Variants in RNF4 observed in about 807,000 individuals in gnomAD.
RNF4 encodes the protein E3 ubiquitin-protein ligase RNF4.
RNF4 carries 7 observed loss-of-function variants against 24.3 expected under a neutral mutation model. The ratio of observed to expected loss-of-function variants is 0.29; its 90% CI spans 0.16 to 0.54. RNF4 has a LOEUF of 0.54. Among genes scored for constraint, RNF4 ranks in the 20% least tolerant of loss-of-function variants. The pLI, the probability that RNF4 is intolerant of heterozygous loss-of-function variation, is 0.95. For missense variants in RNF4, 209 were observed against 248.5 expected, an observed-to-expected ratio of 0.84 and a Z score of 1.07; for synonymous variants, 83 against 84.3, an observed-to-expected ratio of 0.98 and a Z score of 0.09.
intron 1 of RNF4, among the ~76,000 whole-genome samples, chr4:2,478,472 A>G (rs1735149560): frequency 6.6e-6 from 1 of 152,136 alleles, no homozygotes; most frequent in Admixed American, 6.5e-5. Flanking sequence ...GGAGGAAAAT[A>G]TGGTTTCCTG....
intron 4 of RNF4, among the ~76,000 whole-genome samples, chr4:2,510,923 C>T (rs935929190): frequency 6.6e-6 from 1 of 152,162 alleles, no homozygotes; most frequent in African/African-American, 2.4e-5. Flanking sequence ...GCCCCCAGGA[C>T]AGAGAATTGG....
chr4:2,479,546 G>A (rs185261132), intron 1 of RNF4, among the ~76,000 whole-genome samples: 47 of 152,240 alleles, frequency 3.1e-4, no homozygotes, highest in Admixed American at 3.1e-3. Flanking sequence ...TTATAAGGGG[G>A]AGTTTCCGTG....
At chr4:2,497,886 G>A (rs963431179) in intron 3 of RNF4, among the ~76,000 whole-genome samples, 14 of 152,174 alleles carry the variant, frequency 9.2e-5, no homozygotes, top group South Asian at 4.2e-4. Flanking sequence ...CACCCGTCTC[G>A]GCCTCCCAAA....
Position 2,469,229 on chromosome 4 carries a change from G to A in RNF4, c.-187G>A, listed in dbSNP as rs71606399. 0.047 allele frequency: 7,122 copies of A among 152,364 alleles called. 227 individuals carry two copies. The highest frequency in any genetic ancestry group is 0.16 in the South Asian group (759 of 4,832). The allele number at this position is 152,364 out of a possible 1,614,324, so 9.4% of individuals were successfully genotyped here. Reference sequence around the variant, plus strand: ...GCGCCTGCGGACCTAACTAGCTCCAGGTTAGGCCGAGCTTTGCGGGAAAGC... The same window carrying A: ...GCGCCTGCGGACCTAACTAGCTCCAAGTTAGGCCGAGCTTTGCGGGAAAGC... On this transcript the variant is annotated 5_prime_UTR_variant, in exon 1 of 8. Transcript: ENST00000314289.
chr4:2,513,949 T>G lies in RNF4; in HGVS notation c.*130T>G, dbSNP rs534193938. 5 of 1,240,478 alleles carry G rather than the reference T, an allele frequency of 4.0e-6. No homozygotes were observed. In the African/African-American group the frequency reaches 7.4e-5, roughly 18 times the overall value. The allele number at this position is 1,240,478 out of a possible 1,614,324, so 76.8% of individuals were successfully genotyped here. A position where few individuals can be genotyped will look rare whatever the true frequency, so the allele number is the denominator to read the frequency against. On this transcript the variant is annotated 3_prime_UTR_variant, in exon 8 of 8. Coordinates refer to ENST00000314289, the MANE Select transcript of RNF4 (RefSeq NM_002938.5). The stretch of plus-strand genomic sequence containing the variant: ...CAACATCTGATATGTAAACTGCTCT[T>G]TTGTTTCCAACCCCTTCCTTTTGTT...
At chr4:2,483,915 CT>C (rs1297580042) in intron 1 of RNF4, among the ~76,000 whole-genome samples, 2 of 151,588 alleles carry the variant, frequency 1.3e-5, no homozygotes, top group African/African-American at 4.9e-5. Flanking sequence ...TCACCTCCAC[CT>C]CTTGGGTTCG....
At chr4:2,477,703 T>C (rs1735123922) in intron 1 of RNF4, among the ~76,000 whole-genome samples, 1 of 152,216 alleles carries the variant, frequency 6.6e-6, no homozygotes, top group African/African-American at 2.4e-5. Context: ...CCGCCATGAT[T>C]GTGAAGCCTC....
intron 1 of RNF4, among the ~76,000 whole-genome samples, chr4:2,488,218 T>A (rs532494172): frequency 6.6e-6 from 1 of 152,206 alleles, no homozygotes; most frequent in East Asian, 1.9e-4. Context: ...ATCCCAGCAC[T>A]TTGGGAAGCC....
At chr4:2,510,392 C>A (rs1306609025) in intron 4 of RNF4, among the ~76,000 whole-genome samples, 1 of 152,152 alleles carries the variant, frequency 6.6e-6, no homozygotes, top group Admixed American at 6.6e-5. Context: ...CGGCATCCAC[C>A]CCCTGCACTC....
At chr4:2,502,543 A>G (rs1197043654) in intron 4 of RNF4, among the ~76,000 whole-genome samples, 2 of 151,642 alleles carry the variant, frequency 1.3e-5, no homozygotes, top group Non-Finnish European at 2.9e-5. Context: ...AATTATGCGG[A>G]CGCCTGTAGT....
At chr4:2,506,872 G>C (rs1736117726) in intron 4 of RNF4, among the ~76,000 whole-genome samples, 1 of 152,114 alleles carries the variant, frequency 6.6e-6, no homozygotes, top group African/African-American at 2.4e-5. Context: ...GCCTGACCTT[G>C]GGTCACTTTT....
At chr4:2,498,040 A>G (rs1050664710) in intron 3 of RNF4, among the ~76,000 whole-genome samples, 1 of 152,122 alleles carries the variant, frequency 6.6e-6, no homozygotes, top group Non-Finnish European at 1.5e-5. Context: ...CACTTCTACA[A>G]ATGAGTTCTT....
chr4:2,508,062 T>C (rs1240531144), intron 4 of RNF4, among the ~76,000 whole-genome samples: 1 of 152,018 alleles, frequency 6.6e-6, no homozygotes, highest in Admixed American at 6.6e-5. Flanking sequence ...CCCAGGATGG[T>C]CTCGACCTCC....
At chr4:2,479,088 G>A (rs1483253448) in intron 1 of RNF4, among the ~76,000 whole-genome samples, 9 of 152,228 alleles carry the variant, frequency 5.9e-5, no homozygotes, top group Non-Finnish European at 1.3e-4. Flanking sequence ...TTGGAGCTTT[G>A]AGATTTGGAC....
intron 2 of RNF4, among the ~76,000 whole-genome samples, chr4:2,491,760 G>T (rs1281185505): frequency 3.9e-5 from 6 of 152,080 alleles, no homozygotes; most frequent in Non-Finnish European, 2.9e-5. Context: ...AAGAGACAGG[G>T]TCTCACTCAG....
At position 2,474,195 on chromosome 4, in the gene RNF4, G is replaced by T. The variant is rs547496786; in HGVS notation, c.-158+4937G>T. 4.0e-4 allele frequency among the ~76,000 whole-genome samples: 57 copies of T among 144,068 alleles called. No individual in the cohort carries two copies. The East Asian group carries it at 9.8e-3, about 25-fold the overall frequency. The allele number at this position is 144,068 out of a possible 152,430, so 94.5% of individuals were successfully genotyped here. ...TTGAAACCATCCTGGCTAACACGGTGAAACACCGTCTCTACTAAAAACACA... is the reference window on the plus strand; with the variant it reads ...TTGAAACCATCCTGGCTAACACGGTTAAACACCGTCTCTACTAAAAACACA... On this transcript the variant is annotated intron_variant, in intron 1 of 7. Transcript: ENST00000314289.
chr4:2,491,029 C>T (rs1396064927), intron 2 of RNF4, among the ~76,000 whole-genome samples: 2 of 152,132 alleles, frequency 1.3e-5, no homozygotes, highest in Non-Finnish European at 2.9e-5. Flanking sequence ...TCAAGGCTAG[C>T]TATGATCACA....
chr4:2,513,316 A>C (rs1384208168), intron 7 of RNF4, among the ~76,000 whole-genome samples, 185 bp downstream of exon 7: 1 of 152,004 alleles, frequency 6.6e-6, no homozygotes, highest in African/African-American at 2.4e-5. Context: ...GGACCCTACA[A>C]CTTTCACCTT....
intron 1 of RNF4, among the ~76,000 whole-genome samples, chr4:2,478,131 T>G (rs184904559): frequency 1.6e-3 from 248 of 152,302 alleles, no homozygotes; most frequent in Middle Eastern, 0.01. Flanking sequence ...CCTAGAGATT[T>G]GTGGAACTTT....
Sources: allele counts gnomAD v4.1 joint callset (sites outside exome capture counted in the v4.1 genomes callset), GRCh38; gene constraint gnomAD v4.1.1; transcripts MANE v1.5; gene names NCBI Gene and HGNC (gene_info 2026-07-23, HGNC 2026-07-21).